SLC6A3: variants seen among roughly 807,000 people sequenced by gnomAD.
The protein encoded by SLC6A3 is sodium-dependent dopamine transporter.
SLC6A3 carries 19 observed loss-of-function variants against 70.4 expected under a neutral mutation model. The ratio of observed to expected loss-of-function variants is 0.27; its 90% CI spans 0.19 to 0.40. SLC6A3 has a LOEUF of 0.40. Among genes scored for constraint, SLC6A3 ranks in the 10% least tolerant of loss-of-function variants. SLC6A3 has a pLI of 1.00. For synonymous variants in SLC6A3, 368 were observed against 356.6 expected (o/e 1.03, Z -0.36); for missense variants, 613 against 838.5 (o/e 0.73, Z 3.32).
At chr5:1,414,515 G>C (rs977340146) in intron 8 of SLC6A3, among the ~76,000 whole-genome samples, 176 bp downstream of exon 8, 4 of 151,520 alleles carry the variant, frequency 2.6e-5, no homozygotes, top group African/African-American at 9.7e-5. Flanking sequence ...GCGCTGGGTG[G>C]GGGCAGGTCT....
At position 1,413,237 on chromosome 5, in the gene SLC6A3, C is replaced by A. The variant is rs774683184; in HGVS notation, c.1156+1454G>T. Among the ~76,000 whole-genome samples, 4 of 152,214 alleles carry A rather than the reference C, an allele frequency of 2.6e-5. No homozygotes were observed. Among genetic ancestry groups the A allele is most frequent in the Non-Finnish European group, 5.9e-5 (4 of 68,034 alleles). ...GCGGCACCGAGTAAATTTCACTGCT[C>A]TGCATTTATTTGCAGATGTTCCCTT... is the stretch of plus-strand genomic sequence containing the variant. On this transcript the variant is annotated intron_variant, in intron 8 of 14. Transcript: ENST00000270349. This position sits in a 1 kb window ranked among gnomAD's most constrained non-coding sequence, Gnocchi z 7.1.
intron 3 of SLC6A3, among the ~76,000 whole-genome samples, chr5:1,441,009 G>GA (rs1352901963): frequency 1.3e-5 from 2 of 152,232 alleles, no homozygotes; most frequent in Admixed American, 1.3e-4. Flanking sequence ...AATAAAGATA[G>GA]ATAATGGATA....
chr5:1,438,058 C>T lies in SLC6A3; in HGVS notation c.418+3301G>A, dbSNP rs1255496604. On this transcript the variant is annotated intron_variant, in intron 3 of 14. Transcript: ENST00000270349. The surrounding 1 kb of genome is among the most constrained non-coding windows in gnomAD (Gnocchi z 6.5). Reference sequence around the variant, plus strand: ...TGACAGGTAGGCAGAACAAACGGGACGCTGGCACCGGAACCTGCAGCGTTA... The same window carrying T: ...TGACAGGTAGGCAGAACAAACGGGATGCTGGCACCGGAACCTGCAGCGTTA... 2.0e-5 allele frequency among the ~76,000 whole-genome samples: 3 copies of T among 152,340 alleles called. No homozygotes were observed. The highest frequency in any genetic ancestry group is 1.9e-4 in the East Asian group (1 of 5,190).
In SLC6A3 at chr5:1,413,732, C is replaced by T. The variant is rs568804338; in HGVS notation, c.1156+959G>A. Among the ~76,000 whole-genome samples the T allele has an allele frequency of 3.9e-5, 6 of 152,110 alleles. No individual in the cohort carries two copies. The highest frequency in any genetic ancestry group is 2.1e-4 in the South Asian group (1 of 4,794). ...GTGGCAGAGCAGGCCGGGAGGCAGG[C>T]GGGGGCTCTGCTGGCTGACAGAGAC... On this transcript the variant is annotated intron_variant, in intron 8 of 14. Coordinates refer to ENST00000270349, the MANE Select transcript of SLC6A3 (RefSeq NM_001044.5). The surrounding 1 kb of genome is among the most constrained non-coding windows in gnomAD (Gnocchi z 7.1).
At chr5:1,441,526 C>G in intron 2 of SLC6A3, 36 bp from the exon 3 acceptor site, 2 of 1,608,966 alleles carry the variant, frequency 1.2e-6, no homozygotes. Flanking sequence ...TTTGGGGCCT[C>G]GGAAGGGCCC....
At position 1,400,924 on chromosome 5, in the gene SLC6A3, G is replaced by C; in HGVS notation, c.1830C>G (p.Arg610=). 1 of 1,586,966 alleles carries C rather than the reference G, an allele frequency of 6.3e-7. No individual in the cohort carries two copies. Among genetic ancestry groups the C allele is most frequent in the Non-Finnish European group, 8.6e-7 (1 of 1,164,198 alleles). ...DRELVDRGEV[R]QFTLRHWLKV ...GGGACCTCGACCTCACCGTGAACTG[G>C]CGCACCTCCCCTCTGTCCACCAGCT... The change falls in exon 14 of 15, where the codon CGC becomes CGG. Residue 610 remains arginine, a synonymous_variant. Transcript: ENST00000270349.
chr5:1,432,787 A>AGGT, intron 3 of SLC6A3, 89 bp from the exon 4 acceptor site: 1 of 889,482 alleles, frequency 1.1e-6, no homozygotes, highest in Non-Finnish European at 1.8e-6. Context: ...CCCTCACGGG[A>AGGT]GACATTACCC....
chr5:1,433,993 GGCCACCCATGGCCATCCACA>G (rs1376524263), intron 3 of SLC6A3, among the ~76,000 whole-genome samples: 5 of 151,362 alleles, frequency 3.3e-5, no homozygotes, highest in Non-Finnish European at 7.4e-5. Context: ...AACTATCTAC[GGCCACCCATGGCCATCCACA>G]GCCACCCATG....
rs1052355121 is a variant in SLC6A3, at chr5:1,413,397, C to T, written c.1156+1294G>A. Among the ~76,000 whole-genome samples the T allele has an allele frequency of 2.0e-5, 3 of 152,160 alleles. No individual in the cohort carries two copies. Among genetic ancestry groups the T allele is most frequent in the African/African-American group, 7.2e-5 (3 of 41,426 alleles). On this transcript the variant is annotated intron_variant, in intron 8 of 14. Transcript: ENST00000270349. The surrounding 1 kb of genome is among the most constrained non-coding windows in gnomAD (Gnocchi z 7.1). ...GAGTGGGCCCTTTCAGGTCTCTGAG[C>T]GTGTTCCTACCTGCGGTGCGAGGGT... is the stretch of plus-strand genomic sequence containing the variant.
At chr5:1,419,976 T>G (rs1249561522) in intron 6 of SLC6A3, among the ~76,000 whole-genome samples, 1 of 152,044 alleles carries the variant, frequency 6.6e-6, no homozygotes, top group Non-Finnish European at 1.5e-5. Flanking sequence ...CCCCCAGACC[T>G]GGCTCCACCG....
intron 7 of SLC6A3, among the ~76,000 whole-genome samples, chr5:1,415,399 G>A (rs1756265158): frequency 6.6e-6 from 1 of 152,176 alleles, no homozygotes; most frequent in South Asian, 2.1e-4. Context: ...CATCTGCAGA[G>A]CACCTGGACC....
At chr5:1,410,985 A>G (rs777007645) in intron 9 of SLC6A3, among the ~76,000 whole-genome samples, 1 of 151,986 alleles carries the variant, frequency 6.6e-6, no homozygotes, top group Non-Finnish European at 1.5e-5. Flanking sequence ...CATTTCCAGG[A>G]TCTGTAGGTG....
intron 4 of SLC6A3, among the ~76,000 whole-genome samples, chr5:1,431,623 C>T (rs1421189230): frequency 1.3e-4 from 17 of 133,080 alleles, no homozygotes; most frequent in South Asian, 7.5e-4. Flanking sequence ...CCGGGGTGGA[C>T]GGTGTGGGGT....
chr5:1,437,456 A>G lies in SLC6A3; in HGVS notation c.418+3903T>C, dbSNP rs1201454397. On this transcript the variant is annotated intron_variant, in intron 3 of 14. Transcript: ENST00000270349. This position sits in a 1 kb window ranked among gnomAD's most constrained non-coding sequence, Gnocchi z 4.8. The stretch of plus-strand genomic sequence containing the variant: ...GAGGAAAGGAGGGAGAGAGACAGAA[A>G]GAGACACAGGGAGAGGGAAAGAGAG... Among the ~76,000 whole-genome samples, 1 of 152,106 alleles carries G rather than the reference A, an allele frequency of 6.6e-6. No homozygotes were observed. Among genetic ancestry groups the G allele is most frequent in the African/African-American group, 2.4e-5 (1 of 41,410 alleles).
rs1364977962 is a variant in SLC6A3 at position 1,404,419 on chromosome 5, T to G, written c.1600-1330A>C. Reference sequence around the variant, plus strand: ...GCTTGCCTATCTGACATGGAGGTATTGCTGTAATGTGCTCTCTGTTATTGT... The same window carrying G: ...GCTTGCCTATCTGACATGGAGGTATGGCTGTAATGTGCTCTCTGTTATTGT... On this transcript the variant is annotated intron_variant, in intron 12 of 14. Coordinates refer to ENST00000270349, the MANE Select transcript of SLC6A3 (RefSeq NM_001044.5). The surrounding 1 kb of genome is among the most constrained non-coding windows in gnomAD (Gnocchi z 5.2). Among the ~76,000 whole-genome samples the G allele has an allele frequency of 4.6e-5, 7 of 152,384 alleles. No individual in the cohort carries two copies. The East Asian group carries it at 1.3e-3, about 29-fold the overall frequency.
intron 4 of SLC6A3, among the ~76,000 whole-genome samples, chr5:1,428,232 T>C (rs1454151075): frequency 6.6e-6 from 1 of 152,094 alleles, no homozygotes; most frequent in Non-Finnish European, 1.5e-5. Context: ...AACAACAAAC[T>C]TCTAAAAATG....
chr5:1,394,766 GAA>G lies in SLC6A3; in HGVS notation c.1840-10_1840-9del. 6.2e-7 allele frequency: 1 copy of G among 1,614,154 alleles called. No homozygotes were observed. ...CTTGAGCCAGTGGCGGAGCTGGAAA[GAA>G]AACAGGTTTAGTCAGAAACCCTGGG... is the stretch of plus-strand genomic sequence containing the variant. On this transcript the variant is annotated splice_polypyrimidine_tract_variant and intron_variant, in intron 14 of 14. Transcript: ENST00000270349. The surrounding 1 kb of genome is among the most constrained non-coding windows in gnomAD (Gnocchi z 4.7).
At chr5:1,425,714 A>G (rs1756561143) in intron 4 of SLC6A3, among the ~76,000 whole-genome samples, 1 of 152,232 alleles carries the variant, frequency 6.6e-6, no homozygotes, top group South Asian at 2.1e-4. Flanking sequence ...TCAACAGAGT[A>G]AAAAGGAAAA....
Position 1,411,426 on chromosome 5 carries a change from C to T in SLC6A3, c.1157-71G>A. ...CTCCCGCCCATCCTGCCCCACCCCG[C>T]CCCGAGAAGCATGGCCTGCCACAGG... On this transcript the variant is annotated intron_variant, in intron 8 of 14. Coordinates refer to ENST00000270349, the MANE Select transcript of SLC6A3 (RefSeq NM_001044.5). The surrounding 1 kb of genome is among the most constrained non-coding windows in gnomAD (Gnocchi z 6.5). 4.3e-6 allele frequency: 5 copies of T among 1,151,140 alleles called. No individual in the cohort carries two copies. The highest frequency in any genetic ancestry group is 6.4e-6 in the Non-Finnish European group (5 of 785,762). The allele number at this position is 1,151,140 out of a possible 1,614,324, so 71.3% of individuals were successfully genotyped here.
Sources: gnomAD v4.1 joint callset for allele counts (sites outside exome capture counted in the v4.1 genomes callset) on GRCh38, gnomAD v4.1.1 for gene constraint, Gnocchi (gnomAD v3.1) non-coding constraint, MANE v1.5 for transcripts, NCBI Gene and HGNC (gene_info 2026-07-23, HGNC 2026-07-21) for gene names.